Variants in PIK3C2G observed in about 807,000 individuals in gnomAD.
PIK3C2G encodes the protein phosphatidylinositol 3-kinase C2 domain-containing subunit gamma.
A neutral mutation model predicts 181.1 loss-of-function variants in PIK3C2G; 168 were observed. The ratio of observed to expected loss-of-function variants is 0.93; its 90% CI spans 0.82 to 1.05. The LOEUF (loss-of-function observed/expected upper bound fraction) is 1.05. Among genes scored for constraint, PIK3C2G ranks in the 50% least tolerant of loss-of-function variants. The pLI, the probability that PIK3C2G is intolerant of heterozygous loss-of-function variation, is 0.00. For missense variants in PIK3C2G, 1,869 were observed against 1,732.8 expected, an observed-to-expected ratio of 1.08 and a Z score of -1.40; for synonymous variants, 573 against 592.2, an observed-to-expected ratio of 0.97 and a Z score of 0.47.
At chr12:18,533,764 C>T (rs1341968386) in intron 24 of PIK3C2G, among the ~76,000 whole-genome samples, 1 of 151,962 alleles carries the variant, frequency 6.6e-6, no homozygotes, top group Non-Finnish European at 1.5e-5. Flanking sequence ...ATTCACCTAA[C>T]AGACAGAAAT....
intron 32 of PIK3C2G, among the ~76,000 whole-genome samples, chr12:18,645,210 A>G (rs545972087): frequency 3.3e-5 from 5 of 152,186 alleles, no homozygotes; most frequent in African/African-American, 1.2e-4. Context: ...AAATCCTTTG[A>G]CGAAAAGGTC....
intron 20 of PIK3C2G, among the ~76,000 whole-genome samples, chr12:18,491,944 G>A (rs1378318059): frequency 3.3e-5 from 5 of 152,078 alleles, no homozygotes; most frequent in Admixed American, 2.0e-4. Flanking sequence ...CCTAGTACAC[G>A]AACATTAGTC....
At chr12:18,358,803 T>C (rs986117135) in intron 11 of PIK3C2G, 11 of 295,878 alleles carry the variant, frequency 3.7e-5, no homozygotes, top group African/African-American at 2.2e-4. Context: ...GACTCATCTG[T>C]GTAGTCAAAT....
At chr12:18,655,907 T>G in the PIK3C2G span, among the ~76,000 whole-genome samples, 1 of 152,310 alleles carries the variant, frequency 6.6e-6, no homozygotes, top group African/African-American at 2.4e-5. Flanking sequence ...GACTACTCTA[T>G]GTAATGTGGT....
chr12:18,574,274 A>C (rs1447569707), intron 29 of PIK3C2G, among the ~76,000 whole-genome samples: 1 of 152,248 alleles, frequency 6.6e-6, no homozygotes, highest in Non-Finnish European at 1.5e-5. Flanking sequence ...TTGATGTAAG[A>C]GTGAAGAACA....
chr12:18,647,773 A>G (rs916200365), intron 32 of PIK3C2G, 103 bp from the exon 33 acceptor site: 24 of 539,458 alleles, frequency 4.4e-5, no homozygotes, highest in Non-Finnish European at 7.3e-5. Flanking sequence ...ATTCCAGGGT[A>G]TAAGATATTA....
chr12:18,595,114 A>G (rs1314496166), intron 30 of PIK3C2G, among the ~76,000 whole-genome samples: 2 of 152,100 alleles, frequency 1.3e-5, no homozygotes, highest in African/African-American at 4.8e-5. Context: ...TTAAAACAAC[A>G]GAATACATAT....
intron 8 of PIK3C2G, among the ~76,000 whole-genome samples, chr12:18,332,448 A>G (rs1938073551): frequency 6.6e-6 from 1 of 152,080 alleles, no homozygotes; most frequent in African/African-American, 2.4e-5. Context: ...GGACTCTTGG[A>G]GCATTCCTGC....
At chr12:18,644,221 T>C (rs1189900945) in intron 32 of PIK3C2G, among the ~76,000 whole-genome samples, 4 of 152,038 alleles carry the variant, frequency 2.6e-5, no homozygotes, top group East Asian at 1.9e-4. Flanking sequence ...ATCCCAGTGA[T>C]AGGCATGGCT....
intron 32 of PIK3C2G, among the ~76,000 whole-genome samples, chr12:18,643,384 T>C (rs1949935933): frequency 6.6e-6 from 1 of 151,950 alleles, no homozygotes; most frequent in African/African-American, 2.4e-5. Flanking sequence ...GATGAGAACA[T>C]AGTCCAATCA....
the PIK3C2G span, among the ~76,000 whole-genome samples, chr12:18,703,092 C>G: frequency 2.0e-5 from 3 of 152,142 alleles, no homozygotes; most frequent in Admixed American, 2.0e-4. Flanking sequence ...AAGCGGGATT[C>G]TCTTCCAAGA....
At chr12:18,460,152 G>A (rs1947838949) in intron 18 of PIK3C2G, among the ~76,000 whole-genome samples, 2 of 152,172 alleles carry the variant, frequency 1.3e-5, no homozygotes, top group South Asian at 4.1e-4. Context: ...CCTGGACTGA[G>A]GTAAATACAA....
chr12:18,403,884 C>T (rs998224785), intron 16 of PIK3C2G, among the ~76,000 whole-genome samples: 43 of 152,044 alleles, frequency 2.8e-4, no homozygotes, highest in African/African-American at 1.0e-3. Context: ...CATTCCCAGG[C>T]ACAACTATTC....
chr12:18,371,210 T>C lies in PIK3C2G; in HGVS notation c.1779T>C (p.Leu593=). 1 of 1,611,346 alleles carries C rather than the reference T, an allele frequency of 6.2e-7. No homozygotes were observed. Among genetic ancestry groups the C allele is most frequent in the Non-Finnish European group, 8.5e-7 (1 of 1,178,414 alleles). Residue 593 remains leucine (L), a synonymous_variant, in exon 13 of 33, where the codon CTT becomes CTC. Coordinates refer to ENST00000538779, the MANE Select transcript of PIK3C2G (RefSeq NM_001288772.2). ...TINFPLEIKS[L]PRESMLTVKL... is the part of the protein sequence containing the mutation. ...ATTTTCCCCTTGAAATAAAGTCACT[T>C]CCAAGGGAATCCATGCTCACTGTAA...
chr12:18,683,588 C>A, the PIK3C2G span: 4 of 1,450,236 alleles, frequency 2.8e-6, no homozygotes, highest in East Asian at 1.2e-4. Flanking sequence ...TAGCCACCAC[C>A]CTTCTGCTTC....
chr12:18,509,942 G>T (rs1942100564), intron 24 of PIK3C2G, among the ~76,000 whole-genome samples: 1 of 152,030 alleles, frequency 6.6e-6, no homozygotes, highest in South Asian at 2.1e-4. Flanking sequence ...GAAACCAGTT[G>T]GTTTTTCTTT....
In PIK3C2G at chr12:18,506,048, A is replaced by G. The variant is rs1941809669; in HGVS notation, c.3323+587A>G. On this transcript the variant is annotated intron_variant, in intron 24 of 32. Transcript: ENST00000538779. ...GTTATTTTAGAAAACTAAGGCAGAG[A>G]AATGGAATAGAAAGTAACTGGAGTG... Among the ~76,000 whole-genome samples, 3 of 152,232 alleles carry G rather than the reference A, an allele frequency of 2.0e-5. No homozygotes were observed. The South Asian group carries it at 6.2e-4, about 32-fold the overall frequency.
intron 26 of PIK3C2G, 65 bp from the exon 27 acceptor site, chr12:18,562,638 T>C: frequency 1.0e-6 from 1 of 966,830 alleles, no homozygotes. Flanking sequence ...AGGAAACAGA[T>C]CATAAATGAA....
chr12:18,701,152 T>C, the PIK3C2G span, among the ~76,000 whole-genome samples: 4 of 151,926 alleles, frequency 2.6e-5, no homozygotes, highest in Admixed American at 2.6e-4. Flanking sequence ...GCCCGGCTAA[T>C]TTTTGTATTT....
Sources: allele counts gnomAD v4.1 joint callset (sites outside exome capture counted in the v4.1 genomes callset), GRCh38; gene constraint gnomAD v4.1.1; transcripts MANE v1.5; gene names NCBI Gene and HGNC (gene_info 2026-07-23, HGNC 2026-07-21).